The following STRC variants were observed in gnomAD, a reference collection of about 807,000 sequenced individuals.
STRC encodes the protein stereocilin.
A neutral mutation model predicts 103.5 loss-of-function variants in STRC; 43 were observed. The ratio of observed to expected loss-of-function variants is 0.42; its 90% CI spans 0.33 to 0.54. The LOEUF is 0.54. Among genes scored for constraint, STRC ranks in the 20% least tolerant of loss-of-function variants. STRC has a pLI of 0.14. For synonymous variants in STRC, 186 were observed against 442.3 expected, an observed-to-expected ratio of 0.42 and a Z score of 7.27; for missense variants, 499 against 1,088.5, an observed-to-expected ratio of 0.46 and a Z score of 7.62.
intron 15 of STRC, 121 bp downstream of exon 15, chr15:43,610,191 G>C: frequency 2.0e-6 from 1 of 493,544 alleles, no homozygotes; most frequent in South Asian, 2.0e-5. Context: ...GAGTGAGACT[G>C]TATCTCAAAC....
In STRC at chr15:43,605,280, C is replaced by G; in HGVS notation, c.3914G>C (p.Arg1305Thr). ...TPLHQAALAE[R>T]ALQNLAPKET... is the part of the protein sequence containing the mutation. ...GACTCTTACCAGGTTTTGTAGTGCC[C>G]TCTCTGCCAGGGCTGCCTGGTGGAG... Residue 1305 changes from arginine to threonine, a missense_variant, in exon 19 of 29, where the codon AGG (arginine) becomes ACG (threonine). Arg to Thr is a moderately conservative substitution (Grantham distance 71, BLOSUM62 -1). Coordinates refer to ENST00000450892, the MANE Select transcript of STRC (RefSeq NM_153700.2). 1 of 1,588,962 alleles carries G rather than the reference C, an allele frequency of 6.3e-7. No individual in the cohort carries two copies. Among genetic ancestry groups the G allele is most frequent in the Non-Finnish European group, 8.6e-7 (1 of 1,166,626 alleles).
At chr15:43,605,148 C>A in intron 19 of STRC, 116 bp downstream of exon 19, 1 of 1,547,550 alleles carries the variant, frequency 6.5e-7, no homozygotes, top group Non-Finnish European at 8.7e-7. Context: ...AGACAGGAAT[C>A]TGTTTGGCAG....
intron 21 of STRC, 66 bp downstream of exon 21, chr15:43,604,295 G>T: frequency 1.3e-6 from 2 of 1,590,888 alleles, no homozygotes; most frequent in Non-Finnish European, 1.7e-6. Flanking sequence ...TTGGCCACGG[G>T]TCCCCATAAC....
At chr15:43,604,868 T>C in intron 19 of STRC, 22 bp from the exon 20 acceptor site, 1 of 1,589,868 alleles carries the variant, frequency 6.3e-7, no homozygotes, top group Non-Finnish European at 8.6e-7. Flanking sequence ...CATCAGAACT[T>C]GGACAATGCA....
Position 43,609,269 on chromosome 15 carries a change from T to A in STRC, c.3557+7A>T, listed in dbSNP as rs1306685649. 8 of 1,610,148 alleles carry A rather than the reference T, an allele frequency of 5.0e-6. No individual in the cohort carries two copies. The highest frequency in any genetic ancestry group is 4.2e-6 in the Non-Finnish European group (5 of 1,179,184). On this transcript the variant is annotated splice_region_variant and intron_variant, in intron 16 of 28. Coordinates refer to ENST00000450892, the MANE Select transcript of STRC (RefSeq NM_153700.2). ...ATTCAGCGCACTGCTCAACACAAGT[T>A]ACTCACTGCAGATTCCTGAGGGTAA... is the stretch of plus-strand genomic sequence containing the variant.
Position 43,607,974 on chromosome 15 carries a change from C to T in STRC, c.3683G>A (p.Arg1228Lys). 9.3e-6 allele frequency: 15 copies of T among 1,610,672 alleles called. No individual in the cohort carries two copies. The highest frequency in any genetic ancestry group is 1.3e-5 in the Non-Finnish European group (15 of 1,179,472). ...CTGTAGCTCTGCCCAGATACAGGCC[C>T]TCTGTAGGGAAGCAGTGTGAGGCCA... ...QLPTRVRGSL[R>K]ACIWAELQRR... is the part of the protein sequence containing the mutation. The change falls in exon 18 of 29, where the codon AGG (arginine) becomes AAG (lysine). Residue 1228 changes from arginine (R) to lysine (K), a missense_variant and splice_region_variant. Coordinates refer to ENST00000450892, the MANE Select transcript of STRC (RefSeq NM_153700.2).
chr15:43,604,916 C>T, intron 19 of STRC, 70 bp from the exon 20 acceptor site: 1 of 1,559,880 alleles, frequency 6.4e-7, no homozygotes. Context: ...GATCAAGACA[C>T]CAAGCCCCCT....
chr15:43,600,806 T>C, intron 25 of STRC, 66 bp downstream of exon 25: 1 of 1,613,468 alleles, frequency 6.2e-7, no homozygotes, highest in Non-Finnish European at 8.5e-7. Context: ...ACCTTCATGA[T>C]CCTTCTTTCC....
chr15:43,603,914 A>C, intron 22 of STRC, 82 bp downstream of exon 22: 1 of 1,605,754 alleles, frequency 6.2e-7, no homozygotes. Context: ...ACCCAGTCCC[A>C]GGGAAGAGCA....
chr15:43,605,126 G>T (rs1567117860), intron 19 of STRC, 138 bp downstream of exon 19: 15 of 1,531,520 alleles, frequency 9.8e-6, no homozygotes, highest in Non-Finnish European at 1.2e-5. Context: ...CAAAACAGGG[G>T]CCAGGCCTTG....
rs12437957 is a variant in STRC, at chr15:43,600,695, A to G, written c.4845-13T>C. On this transcript the variant is annotated splice_polypyrimidine_tract_variant and intron_variant, in intron 25 of 28. Coordinates refer to ENST00000450892, the MANE Select transcript of STRC (RefSeq NM_153700.2). ...GAGAGCTGCTTGGCTGTAGAACAGT[A>G]GGAAGGAAGGAAGAAGAATTCGGCT... 191,632 of 1,579,662 alleles carry G rather than the reference A, an allele frequency of 0.12. 21,931 individuals are homozygous for G. The highest frequency in any genetic ancestry group is 0.5 in the African/African-American group (36,031 of 72,400).
intron 23 of STRC, among the ~76,000 whole-genome samples, chr15:43,602,046 T>A (rs1174304597): frequency 7.2e-6 from 1 of 138,632 alleles, no homozygotes. Flanking sequence ...ACCCAGGATG[T>A]AGAGGTTACA....
At chr15:43,605,500 A>G (rs2141524231) in intron 18 of STRC, 101 bp from the exon 19 acceptor site, 1 of 1,540,450 alleles carries the variant, frequency 6.5e-7, no homozygotes, top group South Asian at 1.2e-5. Flanking sequence ...GTGACCCCAG[A>G]CCAAATTTAG....
In STRC at chr15:43,604,745, G is replaced by A; in HGVS notation, c.4032C>T (p.Ile1344=). ...GCAGCTGACTGAGATGGGACAGCAG[G>A]ATCTGTAGGGGGATCTGTCGTGTGC... is the stretch of plus-strand genomic sequence containing the variant. The part of the protein sequence containing the change: ...TESTRQIPLQ[I]LLSHLSQLQG... Residue 1344 remains isoleucine, a synonymous_variant, in exon 20 of 29, where the codon ATC becomes ATT. Coordinates refer to ENST00000450892, the MANE Select transcript of STRC (RefSeq NM_153700.2). 3 of 1,613,624 alleles carry A rather than the reference G, an allele frequency of 1.9e-6. No homozygotes were observed. The highest frequency in any genetic ancestry group is 1.7e-4 in the Middle Eastern group (1 of 6,052).
intron 21 of STRC, 41 bp from the exon 22 acceptor site, chr15:43,604,193 G>T: frequency 6.2e-7 from 1 of 1,607,182 alleles, no homozygotes; most frequent in Middle Eastern, 2.0e-4. Context: ...GATCTGGACA[G>T]ATCAGGACCT....
intron 23 of STRC, among the ~76,000 whole-genome samples, chr15:43,601,917 C>T (rs1396490042): frequency 1.5e-4 from 22 of 151,552 alleles, no homozygotes; most frequent in Admixed American, 5.3e-4. Flanking sequence ...CCCAGAAGTT[C>T]GAGACCATCC....
Position 43,604,738 on chromosome 15 carries a change from A to G in STRC, c.4039T>C (p.Ser1347Pro). The G allele has an allele frequency of 6.2e-7, 1 of 1,613,602 alleles. No homozygotes were observed. The highest frequency in any genetic ancestry group is 8.5e-7 in the Non-Finnish European group (1 of 1,179,698). ...TRQIPLQILLSHLSQLQGFCL... is the reference protein window; with the variant it reads ...TRQIPLQILLPHLSQLQGFCL... ...AAGCCTTGCAGCTGACTGAGATGGG[A>G]CAGCAGGATCTGTAGGGGGATCTGT... The change falls in exon 20 of 29, where the codon TCC (serine) becomes CCC (proline). Residue 1347 changes from serine (S) to proline (P), a missense_variant. By Grantham distance (74) the Ser-to-Pro change is moderately conservative (BLOSUM62 -1). Transcript: ENST00000450892.
chr15:43,601,074 G>A, intron 24 of STRC, 60 bp from the exon 25 acceptor site: 1 of 1,230,348 alleles, frequency 8.1e-7, no homozygotes, highest in Non-Finnish European at 1.2e-6. Flanking sequence ...TAATGGACAG[G>A]GAAGTGATAG....
rs755980447 is a variant in STRC, at chr15:43,604,471, C to T, written c.4128-20G>A. On this transcript the variant is annotated intron_variant, in intron 20 of 28. Coordinates refer to ENST00000450892, the MANE Select transcript of STRC (RefSeq NM_153700.2). ...GGTTTCCTGGGGACAGGAAGAAAAT[C>T]GGGGGCTGGGGAGCTGAGGGAACTG... 2.1e-5 allele frequency: 33 copies of T among 1,560,452 alleles called. 1 individual carries two copies. Among genetic ancestry groups the T allele is most frequent in the African/African-American group, 2.7e-5 (2 of 73,526 alleles).
Sources: gnomAD v4.1 joint callset for allele counts (sites outside exome capture counted in the v4.1 genomes callset) on GRCh38, gnomAD v4.1.1 for gene constraint, MANE v1.5 for transcripts, NCBI Gene and HGNC (gene_info 2026-07-23, HGNC 2026-07-21) for gene names.